Variants in FERMT2 observed in about 807,000 individuals in gnomAD.
The protein encoded by FERMT2 is FERM domain containing kindlin 2.
A neutral mutation model predicts 82.7 loss-of-function variants in FERMT2; 15 were observed. That is an observed-to-expected ratio of 0.18 (90% CI 0.12 to 0.28). The LOEUF (loss-of-function observed/expected upper bound fraction) is 0.28. FERMT2 is among the 10% of genes least tolerant of loss of function. The pLI, the probability that FERMT2 is intolerant of heterozygous loss-of-function variation, is 1.00. For synonymous variants in FERMT2, 274 were observed against 271.5 expected (o/e 1.01, Z -0.09); for missense variants, 645 against 809.4 (o/e 0.80, Z 2.46).
intron 4 of FERMT2, among the ~76,000 whole-genome samples, chr14:52,889,910 C>CT (rs1452543721): frequency 1.3e-5 from 2 of 151,988 alleles, no homozygotes; most frequent in Non-Finnish European, 2.9e-5. Context: ...GGGTGGATCA[C>CT]TTGAGACCAG....
chr14:52,950,410 A>G lies in FERMT2; in HGVS notation c.157+2T>C. ...GTTGGACGCGGCTGGGATGCTACTC[A>G]CCGAGTTTCTCCACCAGCTTAAGCA... On this transcript the variant is annotated splice_donor_variant, in intron 2 of 14. Coordinates refer to ENST00000341590, the MANE Select transcript of FERMT2 (RefSeq NM_006832.3). LOFTEE classifies it high-confidence loss of function. The G allele has an allele frequency of 1.2e-6, 2 of 1,612,240 alleles. No homozygotes were observed. The highest frequency in any genetic ancestry group is 1.7e-6 in the Non-Finnish European group (2 of 1,179,224).
chr14:52,905,243 T>C (rs555673679), intron 3 of FERMT2, among the ~76,000 whole-genome samples: 1 of 149,184 alleles, frequency 6.7e-6, no homozygotes, highest in Non-Finnish European at 1.5e-5. Flanking sequence ...ATACCTAAAA[T>C]TGATAAATCA....
In FERMT2 at chr14:52,858,484, C is replaced by G; in HGVS notation, c.1936G>C (p.Val646Leu). 1 of 1,614,106 alleles carries G rather than the reference C, an allele frequency of 6.2e-7. No homozygotes were observed. The highest frequency in any genetic ancestry group is 8.5e-7 in the Non-Finnish European group (1 of 1,179,978). ...ATGTAGCCACCAATGAATTCATGAA[C>G]CACTTTGCAATCTACTTCAGTACAA... ...FICTEVDCKVVHEFIGGYIFL... is the reference protein window; with the variant it reads ...FICTEVDCKVLHEFIGGYIFL... The change falls in exon 15 of 15, where the codon GTT (valine) becomes CTT (leucine). Residue 646 changes from valine (V) to leucine (L), a missense_variant. Val to Leu is a conservative substitution (Grantham distance 32). Transcript: ENST00000341590.
chr14:52,902,883 A>AAACAAAAACAAACAAAC (rs1887747039), intron 3 of FERMT2, among the ~76,000 whole-genome samples: 1 of 140,612 alleles, frequency 7.1e-6, no homozygotes, highest in Non-Finnish European at 1.5e-5. Flanking sequence ...AAAAAAAAAA[A>AAACAAAAACAAACAAAC]AAAAAAAACC....
At chr14:52,902,021 G>C (rs943175250) in intron 3 of FERMT2, among the ~76,000 whole-genome samples, 6 of 151,842 alleles carry the variant, frequency 4.0e-5, no homozygotes, top group African/African-American at 1.5e-4. Flanking sequence ...AGACTACAGA[G>C]AACAAAACAC....
chr14:52,886,274 GGAGA>G (rs142670911), intron 4 of FERMT2, among the ~76,000 whole-genome samples: 109 of 138,692 alleles, frequency 7.9e-4, no homozygotes, highest in African/African-American at 2.5e-3. Flanking sequence ...CTCTTGGGGG[GGAGA>G]GAGAGAGAGA....
At chr14:52,911,229 T>C (rs1286795848) in intron 3 of FERMT2, among the ~76,000 whole-genome samples, 1 of 152,190 alleles carries the variant, frequency 6.6e-6, no homozygotes, top group African/African-American at 2.4e-5. Flanking sequence ...CATATTCCAA[T>C]ACAACTTTAT....
At chr14:52,878,516 T>C (rs1594941184) in intron 7 of FERMT2, 66 bp downstream of exon 7, 1 of 984,512 alleles carries the variant, frequency 1.0e-6, no homozygotes, top group East Asian at 2.5e-5. Flanking sequence ...TATTCCACTT[T>C]ACTGTTTAAA....
intron 3 of FERMT2, among the ~76,000 whole-genome samples, chr14:52,904,732 T>C (rs1368608174): frequency 8.2e-5 from 11 of 134,080 alleles, no homozygotes; most frequent in South Asian, 2.3e-4. Context: ...GCCTGGGAAA[T>C]ATGATGAGAC....
At position 52,864,036 on chromosome 14, in the gene FERMT2, A is replaced by C. The variant is rs543034010; in HGVS notation, c.1602+365T>G. On this transcript the variant is annotated intron_variant, in intron 12 of 14. Coordinates refer to ENST00000341590, the MANE Select transcript of FERMT2 (RefSeq NM_006832.3). ...TTTAATGACCAATTTAAACTGACTA[A>C]AGGTTACTTTATTTTCTACAGATTG... is the stretch of plus-strand genomic sequence containing the variant. 9.2e-5 allele frequency among the ~76,000 whole-genome samples: 14 copies of C among 152,252 alleles called. No homozygotes were observed. In the South Asian group the frequency reaches 2.7e-3, roughly 29 times the overall value.
intron 7 of FERMT2, among the ~76,000 whole-genome samples, chr14:52,877,578 T>TTTC (rs1886044165): frequency 8.0e-6 from 1 of 125,098 alleles, no homozygotes; most frequent in Admixed American, 7.8e-5. Flanking sequence ...TTCTTGCTTT[T>TTTC]TTTTTTTTTT....
intron 7 of FERMT2, among the ~76,000 whole-genome samples, chr14:52,876,555 CT>C (rs1351897025): frequency 2.0e-5 from 3 of 152,178 alleles, no homozygotes; most frequent in African/African-American, 7.2e-5. Context: ...GTGAATGGGA[CT>C]TAAAAAATCC....
At chr14:52,940,988 T>C (rs1251559777) in intron 2 of FERMT2, among the ~76,000 whole-genome samples, 1 of 152,142 alleles carries the variant, frequency 6.6e-6, no homozygotes. Flanking sequence ...ACCTAGGTAG[T>C]TACCCCAGAA....
At chr14:52,921,229 C>T (rs1227110478) in intron 2 of FERMT2, among the ~76,000 whole-genome samples, 1 of 152,026 alleles carries the variant, frequency 6.6e-6, no homozygotes, top group Non-Finnish European at 1.5e-5. Flanking sequence ...AGAAACATGC[C>T]ACAGGTAGAA....
chr14:52,877,615 A>T (rs1886050568), intron 7 of FERMT2, among the ~76,000 whole-genome samples: 2 of 66,842 alleles, frequency 3.0e-5, no homozygotes, highest in East Asian at 4.7e-4. Flanking sequence ...CTCACTCCCC[A>T]TTCTTGCTTT....
At chr14:52,894,600 C>T (rs1887146170) in intron 3 of FERMT2, among the ~76,000 whole-genome samples, 3 of 151,926 alleles carry the variant, frequency 2.0e-5, no homozygotes, top group Admixed American at 2.0e-4. Context: ...GAAGAGGGCC[C>T]CCAAAACAGA....
intron 3 of FERMT2, among the ~76,000 whole-genome samples, chr14:52,914,963 A>G (rs1006842840): frequency 6.6e-6 from 1 of 152,066 alleles, no homozygotes; most frequent in African/African-American, 2.4e-5. Flanking sequence ...TAAAAAAACA[A>G]GAAAATCCAA....
In FERMT2 at chr14:52,904,167, G is replaced by A. The variant is rs558176139; in HGVS notation, c.392-10740C>T. On this transcript the variant is annotated intron_variant, in intron 3 of 14. Coordinates refer to ENST00000341590, the MANE Select transcript of FERMT2 (RefSeq NM_006832.3). ...AGGCCGAGGTGGGTGGATCACCTGCGGTCAGGAGTTTGAGACCAGCCTGGC... is the reference window on the plus strand; with the variant it reads ...AGGCCGAGGTGGGTGGATCACCTGCAGTCAGGAGTTTGAGACCAGCCTGGC... 2.6e-3 allele frequency among the ~76,000 whole-genome samples: 391 copies of A among 152,172 alleles called. 1 individual carries two copies. Among genetic ancestry groups the A allele is most frequent in the Non-Finnish European group, 3.8e-3 (261 of 68,006 alleles).
intron 4 of FERMT2, among the ~76,000 whole-genome samples, 193 bp downstream of exon 4, chr14:52,893,100 G>A (rs557248933): frequency 3.9e-5 from 6 of 152,284 alleles, no homozygotes; most frequent in East Asian, 3.9e-4. Flanking sequence ...GGGTTCAAGC[G>A]ATTCTTCTGC....
Sources: gnomAD v4.1 joint callset for allele counts (sites outside exome capture counted in the v4.1 genomes callset) on GRCh38, gnomAD v4.1.1 for gene constraint, MANE v1.5 for transcripts, NCBI Gene and HGNC (gene_info 2026-07-23, HGNC 2026-07-21) for gene names.